The following C10orf71 variants were observed in gnomAD, a reference collection of about 807,000 sequenced individuals.
The protein encoded by C10orf71 is chromosome 10 open reading frame 71.
For synonymous variants in C10orf71, 758 were observed against 726.3 expected (o/e 1.04, Z -0.70); for missense variants, 1,869 against 1,804.5 (o/e 1.04, Z -0.65).
chr10:49,300,898 C>A (rs1178088472), intron 1 of C10orf71, among the ~76,000 whole-genome samples: 1 of 152,130 alleles, frequency 6.6e-6, no homozygotes, highest in Non-Finnish European at 1.5e-5. Flanking sequence ...GCTTAGGTCT[C>A]CTGGAACCTG....
intron 1 of C10orf71, among the ~76,000 whole-genome samples, chr10:49,309,907 C>T (rs1848881389): frequency 6.6e-6 from 1 of 152,204 alleles, no homozygotes. Context: ...CCTGCCATCT[C>T]CACTGTCTTC....
Position 49,325,593 on chromosome 10 carries a change from C to T in C10orf71, c.3048C>T (p.Pro1016=), listed in dbSNP as rs955052415. ...LPEGDIEDQP[P]PWQPENCWEE... ...AGGGTGACATAGAAGACCAGCCACCCCCATGGCAGCCCGAAAACTGTTGGG... is the reference window on the plus strand; with the variant it reads ...AGGGTGACATAGAAGACCAGCCACCTCCATGGCAGCCCGAAAACTGTTGGG... The change falls in exon 3 of 3, where the codon CCC becomes CCT. Residue 1016 remains proline (P), a synonymous_variant. Transcript: ENST00000374144. The T allele has an allele frequency of 2.6e-6, 4 of 1,551,752 alleles. No individual in the cohort carries two copies. In the African/African-American group the frequency reaches 5.5e-5, roughly 21 times the overall value.
At chr10:49,299,840 G>C (rs1848694667) in intron 1 of C10orf71, among the ~76,000 whole-genome samples, 1 of 152,192 alleles carries the variant, frequency 6.6e-6, no homozygotes, top group African/African-American at 2.4e-5. Context: ...CTCCCCCAGC[G>C]CTGGGCCAGG....
Position 49,326,157 on chromosome 10 carries a change from A to G in C10orf71, c.3612A>G (p.Ser1204=). 1 of 1,551,670 alleles carries G rather than the reference A, an allele frequency of 6.4e-7. No homozygotes were observed. The highest frequency in any genetic ancestry group is 8.7e-7 in the Non-Finnish European group (1 of 1,146,974). ...TDQAQEKHGE[S]QEGKPCPEDL... ...AGGCTCAGGAGAAGCATGGCGAGTC[A>G]CAGGAGGGAAAGCCCTGCCCGGAGG... Residue 1204 remains serine, a synonymous_variant, in exon 3 of 3, where the codon TCA becomes TCG. Transcript: ENST00000374144.
chr10:49,313,050 G>A (rs937046541), intron 1 of C10orf71, among the ~76,000 whole-genome samples: 3 of 152,052 alleles, frequency 2.0e-5, no homozygotes, highest in African/African-American at 4.8e-5. Flanking sequence ...CATGGACCCC[G>A]CCACCAATAA....
chr10:49,309,791 T>C (rs1848879378), intron 1 of C10orf71, among the ~76,000 whole-genome samples: 1 of 152,110 alleles, frequency 6.6e-6, no homozygotes, highest in Non-Finnish European at 1.5e-5. Flanking sequence ...ACTGAACTGC[T>C]CGTCACACAT....
In C10orf71 at chr10:49,325,227, G is replaced by T. The variant is rs1328587116; in HGVS notation, c.2682G>T (p.Leu894Phe). The T allele has an allele frequency of 6.4e-7, 1 of 1,551,946 alleles. No homozygotes were observed. The change falls in exon 3 of 3, where the codon TTG (leucine) becomes TTT (phenylalanine). Residue 894 changes from leucine (L) to phenylalanine (F), a missense_variant. Leu to Phe is a conservative substitution (Grantham distance 22). Coordinates refer to ENST00000374144, the MANE Select transcript of C10orf71 (RefSeq NM_001135196.2). Reference protein sequence around the residue: ...SLSSGHKEEELPRPEWGEDPG... With the variant: ...SLSSGHKEEEFPRPEWGEDPG... ...GCAGTGGCCACAAAGAGGAGGAATT[G>T]CCAAGGCCAGAATGGGGTGAGGATC... is the stretch of plus-strand genomic sequence containing the variant.
In C10orf71 at chr10:49,326,540, A is replaced by G. The variant is rs892164239; in HGVS notation, c.3995A>G (p.Tyr1332Cys). 3.2e-6 allele frequency: 5 copies of G among 1,550,122 alleles called. No homozygotes were observed. The highest frequency in any genetic ancestry group is 2.0e-5 in the Admixed American group (1 of 50,962). Residue 1332 changes from tyrosine to cysteine, a missense_variant, in exon 3 of 3, where the codon TAT becomes TGT. Tyr to Cys is a radical substitution (Grantham distance 194, BLOSUM62 -2). Transcript: ENST00000374144. ...CCACCGGACGCCCTGGCCGCTCCCT[A>G]TGTGCTGTACCCCGGCTTCCAGCCA... is the stretch of plus-strand genomic sequence containing the variant. ...PPPPDALAAP[Y>C]VLYPGFQPVP...
Position 49,322,390 on chromosome 10 carries a change from T to C in C10orf71, c.-144-12T>C, listed in dbSNP as rs183584339. On this transcript the variant is annotated splice_polypyrimidine_tract_variant and intron_variant, in intron 2 of 2. Coordinates refer to ENST00000374144, the MANE Select transcript of C10orf71 (RefSeq NM_001135196.2). ...ATACTTTGTTCACGCCCTGCACCTT[T>C]TTCTTTTGCAGAGAAAAAAAAAAAT... 7.0e-4 allele frequency: 599 copies of C among 853,086 alleles called. No individual in the cohort carries two copies. Among genetic ancestry groups the C allele is most frequent in the Non-Finnish European group, 9.5e-4 (544 of 571,926 alleles). The allele number at this position is 853,086 out of a possible 1,614,324, so 52.8% of individuals were successfully genotyped here. A position where few individuals can be genotyped will look rare whatever the true frequency, so the allele number is the denominator to read the frequency against.
intron 2 of C10orf71, among the ~76,000 whole-genome samples, chr10:49,321,073 G>C (rs944066813): frequency 1.3e-5 from 2 of 151,670 alleles, no homozygotes; most frequent in African/African-American, 4.8e-5. Flanking sequence ...TGTGTGATAA[G>C]AGCATTTAAC....
In C10orf71 at chr10:49,327,133, T is replaced by A; in HGVS notation, c.*280T>A. Reference sequence around the variant, plus strand: ...CCCAGGCGCACTCTACTCCAGCCCTTCTCCCTCCCTCCCTTCCTCCCTCTC... The same window carrying A: ...CCCAGGCGCACTCTACTCCAGCCCTACTCCCTCCCTCCCTTCCTCCCTCTC... On this transcript the variant is annotated 3_prime_UTR_variant, in exon 3 of 3. Coordinates refer to ENST00000374144, the MANE Select transcript of C10orf71 (RefSeq NM_001135196.2). 1 of 1,026,900 alleles carries A rather than the reference T, an allele frequency of 9.7e-7. No individual in the cohort carries two copies. The highest frequency in any genetic ancestry group is 1.3e-6 in the Non-Finnish European group (1 of 747,064). 63.6% of individuals were successfully genotyped at this position (1,026,900 alleles called of 1,614,324 possible). A position where few individuals can be genotyped will look rare whatever the true frequency, so the allele number is the denominator to read the frequency against.
chr10:49,298,432 C>G (rs1293905590), upstream of C10orf71, among the ~76,000 whole-genome samples: 1 of 152,214 alleles, frequency 6.6e-6, no homozygotes, highest in Non-Finnish European at 1.5e-5. Context: ...ACTCTGGGAG[C>G]TGGCATGGCA....
Position 49,325,216 on chromosome 10 carries a change from G to A in C10orf71, c.2671G>A (p.Glu891Lys), listed in dbSNP as rs1564692319. 5.2e-6 allele frequency: 8 copies of A among 1,552,010 alleles called. No individual in the cohort carries two copies. The highest frequency in any genetic ancestry group is 7.0e-6 in the Non-Finnish European group (8 of 1,147,058). ...GGACTCCCTCAGCAGTGGCCACAAA[G>A]AGGAGGAATTGCCAAGGCCAGAATG... ...LEDSLSSGHKEEELPRPEWGE... is the reference protein window; with the variant it reads ...LEDSLSSGHKKEELPRPEWGE... The change falls in exon 3 of 3, where the codon GAG becomes AAG. Residue 891 changes from glutamate (E) to lysine (K), a missense_variant. Coordinates refer to ENST00000374144, the MANE Select transcript of C10orf71 (RefSeq NM_001135196.2).
In C10orf71 at chr10:49,324,575, C is replaced by A; in HGVS notation, c.2030C>A (p.Ser677Tyr). 1 of 1,613,856 alleles carries A rather than the reference C, an allele frequency of 6.2e-7. No individual in the cohort carries two copies. Among genetic ancestry groups the A allele is most frequent in the Non-Finnish European group, 8.5e-7 (1 of 1,179,834 alleles). The part of the protein sequence containing the change: ...QLENGLSRSV[S>Y]QETEPEREAG... ...GAGAATGGGCTCTCCAGATCTGTGTCCCAAGAGACAGAACCTGAGAGGGAA... is the reference window on the plus strand; with the variant it reads ...GAGAATGGGCTCTCCAGATCTGTGTACCAAGAGACAGAACCTGAGAGGGAA... The change falls in exon 3 of 3, where the codon TCC becomes TAC. Residue 677 changes from serine (S) to tyrosine (Y), a missense_variant. Coordinates refer to ENST00000374144, the MANE Select transcript of C10orf71 (RefSeq NM_001135196.2).
Position 49,326,706 on chromosome 10 carries a change from G to T in C10orf71, c.4161G>T (p.Gly1387=). The change falls in exon 3 of 3, where the codon GGG becomes GGT. Residue 1387 remains glycine, a synonymous_variant. Coordinates refer to ENST00000374144, the MANE Select transcript of C10orf71 (RefSeq NM_001135196.2). ...VHESGLQLDP[G]PHGDCTPHSA... ...AGTCTGGACTACAGCTGGACCCAGG[G>T]CCTCACGGTGACTGCACCCCGCACT... 1.3e-6 allele frequency: 2 copies of T among 1,551,110 alleles called. No homozygotes were observed. Among genetic ancestry groups the T allele is most frequent in the Non-Finnish European group, 1.7e-6 (2 of 1,146,976 alleles).
At position 49,326,158 on chromosome 10, in the gene C10orf71, C is replaced by G; in HGVS notation, c.3613C>G (p.Gln1205Glu). 3.9e-6 allele frequency: 6 copies of G among 1,551,654 alleles called. No individual in the cohort carries two copies. The highest frequency in any genetic ancestry group is 5.2e-6 in the Non-Finnish European group (6 of 1,146,978). The change falls in exon 3 of 3, where the codon CAG (glutamine) becomes GAG (glutamate). Residue 1205 changes from glutamine to glutamate, a missense_variant. By Grantham distance (29) the Gln-to-Glu change is conservative (BLOSUM62 2). Coordinates refer to ENST00000374144, the MANE Select transcript of C10orf71 (RefSeq NM_001135196.2). ...DQAQEKHGESQEGKPCPEDLE... is the reference protein window; with the variant it reads ...DQAQEKHGESEEGKPCPEDLE... ...GGCTCAGGAGAAGCATGGCGAGTCA[C>G]AGGAGGGAAAGCCCTGCCCGGAGGA...
rs1284752186 is a variant in C10orf71 at position 49,326,603 on chromosome 10, C to G, written c.4058C>G (p.Ser1353Cys). Residue 1353 changes from serine (S) to cysteine (C), a missense_variant, in exon 3 of 3, where the codon TCT becomes TGT. Coordinates refer to ENST00000374144, the MANE Select transcript of C10orf71 (RefSeq NM_001135196.2). ...GCCTTGATGCCGCTGCGCTGCTCCT[C>G]TCAGCTCTCCGCGCCCACCTTCCTC... is the stretch of plus-strand genomic sequence containing the variant. ...VTALMPLRCS[S>C]QLSAPTFLRQ... 26 of 1,550,288 alleles carry G rather than the reference C, an allele frequency of 1.7e-5. No homozygotes were observed. Among genetic ancestry groups the G allele is most frequent in the Non-Finnish European group, 2.2e-5 (25 of 1,146,836 alleles).
intron 1 of C10orf71, among the ~76,000 whole-genome samples, chr10:49,306,099 C>T (rs946596819): frequency 2.0e-5 from 3 of 152,248 alleles, no homozygotes; most frequent in Non-Finnish European, 4.4e-5. Context: ...GCCATTCACT[C>T]GCTCCCTGTC....
chr10:49,307,148 T>C (rs1428361762), intron 1 of C10orf71, among the ~76,000 whole-genome samples: 1 of 152,252 alleles, frequency 6.6e-6, no homozygotes, highest in African/African-American at 2.4e-5. Context: ...TACTTTTACC[T>C]GTGATGCCAG....
Sources: gnomAD v4.1 joint callset for allele counts (sites outside exome capture counted in the v4.1 genomes callset) on GRCh38, gnomAD v4.1.1 for gene constraint, MANE v1.5 for transcripts, NCBI Gene and HGNC (gene_info 2026-07-23, HGNC 2026-07-21) for gene names.